The following PTPRG variants were observed in gnomAD, a reference collection of about 807,000 sequenced individuals.
PTPRG encodes protein tyrosine phosphatase receptor type G.
Under a neutral mutation model 165.3 loss-of-function variants are expected in PTPRG, and 102 were observed. That is an observed-to-expected ratio of 0.62 (90% CI 0.53 to 0.73). The LOEUF is 0.73. Ranked by LOEUF, PTPRG falls within the 30% of genes least tolerant of loss-of-function variation. The pLI is 0.00. For missense variants in PTPRG, 1,866 were observed against 1,861.4 expected, an observed-to-expected ratio of 1.00 and a Z score of -0.05; for synonymous variants, 675 against 669.5, an observed-to-expected ratio of 1.01 and a Z score of -0.13.
At chr3:62,179,519 G>T (rs2106770336) in intron 8 of PTPRG, among the ~76,000 whole-genome samples, 1 of 152,352 alleles carries the variant, frequency 6.6e-6, no homozygotes, top group African/African-American at 2.4e-5. Context: ...TGCCAGAAGA[G>T]AAGAGCCTTC....
At chr3:61,692,551 C>T (rs988921163) in intron 1 of PTPRG, among the ~76,000 whole-genome samples, 3 of 152,134 alleles carry the variant, frequency 2.0e-5, no homozygotes, top group African/African-American at 4.8e-5. Flanking sequence ...TGGGTACAGG[C>T]GGGCTGAGTC....
At chr3:61,645,145 A>G (rs962678746) in intron 1 of PTPRG, among the ~76,000 whole-genome samples, 19 of 152,240 alleles carry the variant, frequency 1.2e-4, no homozygotes, top group African/African-American at 4.6e-4. Flanking sequence ...AAGTAAACAA[A>G]TAGAAGGCCA....
At chr3:61,590,425 G>C (rs1274137711) in intron 1 of PTPRG, among the ~76,000 whole-genome samples, 2 of 152,120 alleles carry the variant, frequency 1.3e-5, no homozygotes, top group Non-Finnish European at 1.5e-5. Flanking sequence ...TTGGGAGGCT[G>C]AGGCAGGAGA....
intron 2 of PTPRG, among the ~76,000 whole-genome samples, chr3:61,827,192 G>T (rs2036138991): frequency 6.6e-6 from 1 of 152,208 alleles, no homozygotes; most frequent in Admixed American, 6.5e-5. Context: ...GTTGGGCCTA[G>T]TCCCCTAAGT....
At chr3:61,855,262 C>T (rs566987777) in intron 2 of PTPRG, among the ~76,000 whole-genome samples, 33 of 152,240 alleles carry the variant, frequency 2.2e-4, no homozygotes, top group African/African-American at 7.2e-4. Context: ...CTAGATTAGC[C>T]GCCTTTCCTT....
chr3:61,723,617 A>T (rs1226552281), intron 1 of PTPRG, among the ~76,000 whole-genome samples: 2 of 152,246 alleles, frequency 1.3e-5, no homozygotes, highest in Non-Finnish European at 1.5e-5. Context: ...AAATAATTGT[A>T]GATTCACAGG....
chr3:61,922,876 G>T (rs1203881868), intron 2 of PTPRG, among the ~76,000 whole-genome samples: 1 of 152,182 alleles, frequency 6.6e-6, no homozygotes, highest in Non-Finnish European at 1.5e-5. Flanking sequence ...CCAGAACTCA[G>T]GTACTCTGCC....
chr3:62,124,373 A>T, intron 5 of PTPRG: 1 of 1,612,876 alleles, frequency 6.2e-7, no homozygotes, highest in East Asian at 2.2e-5. Context: ...ATGCAAGTCC[A>T]GGGTGATCTG....
rs1322143054 is a variant in PTPRG, at chr3:62,245,041, G to T, written c.2467+1143G>T. Among the ~76,000 whole-genome samples the T allele has an allele frequency of 2.0e-5, 3 of 152,130 alleles. No homozygotes were observed. Among genetic ancestry groups the T allele is most frequent in the Non-Finnish European group, 4.4e-5 (3 of 68,022 alleles). Reference sequence around the variant, plus strand: ...TAAGTCATTAGATATTACTGGGATTGTCCATGTTTTGTACATTCTAGTCAG... The same window carrying T: ...TAAGTCATTAGATATTACTGGGATTTTCCATGTTTTGTACATTCTAGTCAG... On this transcript the variant is annotated intron_variant, in intron 15 of 29. Coordinates refer to ENST00000474889, the MANE Select transcript of PTPRG (RefSeq NM_002841.4). This position sits in a 1 kb window ranked among gnomAD's most constrained non-coding sequence, Gnocchi z 4.2.
At chr3:62,125,554 C>T (rs1035957265) in intron 5 of PTPRG, among the ~76,000 whole-genome samples, 12 of 152,138 alleles carry the variant, frequency 7.9e-5, no homozygotes, top group Non-Finnish European at 1.0e-4. Context: ...CAGTGTATGG[C>T]GGGATTATTA....
chr3:62,064,326 C>CAATTGTGTTTGTTG, intron 4 of PTPRG, among the ~76,000 whole-genome samples: 1 of 152,154 alleles, frequency 6.6e-6, no homozygotes, highest in African/African-American at 2.4e-5. Context: ...AGGACACAAA[C>CAATTGTGTTTGTTG]TATACTGAGT....
intron 9 of PTPRG, among the ~76,000 whole-genome samples, chr3:62,194,805 T>TAA (rs112680245): frequency 7.1e-5 from 10 of 141,226 alleles, no homozygotes; most frequent in Admixed American, 2.1e-4. Context: ...TTCATCTCAA[T>TAA]AAAAAAAAAA....
At chr3:61,763,225 C>T (rs1222139716) in intron 2 of PTPRG, among the ~76,000 whole-genome samples, 2 of 152,066 alleles carry the variant, frequency 1.3e-5, no homozygotes, top group African/African-American at 4.8e-5. Flanking sequence ...TATACCTACC[C>T]TTGTCATCAT....
intron 4 of PTPRG, among the ~76,000 whole-genome samples, chr3:62,041,248 G>C (rs560324252): frequency 2.6e-5 from 4 of 151,960 alleles, no homozygotes; most frequent in South Asian, 4.1e-4. Context: ...TTGCAGCCAT[G>C]CTTCAGAGAA....
At chr3:61,928,812 T>C (rs2039288610) in intron 2 of PTPRG, among the ~76,000 whole-genome samples, 1 of 152,214 alleles carries the variant, frequency 6.6e-6, no homozygotes, top group African/African-American at 2.4e-5. Context: ...AGATGTATTG[T>C]GACAGTCTAT....
intron 5 of PTPRG, among the ~76,000 whole-genome samples, chr3:62,107,754 A>C (rs1466581999): frequency 6.6e-6 from 1 of 152,228 alleles, no homozygotes; most frequent in African/African-American, 2.4e-5. Context: ...TTGTTGATTC[A>C]TCCATTCATT....
rs1702924468 is a variant in PTPRG at position 62,292,279 on chromosome 3, A to G, written c.4056-142A>G. The G allele has an allele frequency of 4.3e-6, 4 of 936,028 alleles. No homozygotes were observed. In the South Asian group the frequency reaches 7.1e-5, roughly 17 times the overall value. 58.0% of individuals were successfully genotyped at this position (936,028 alleles called of 1,614,324 possible). A position where few individuals can be genotyped will look rare whatever the true frequency, so the allele number is the denominator to read the frequency against. ...CTAGCTTCCAAATCCCTCCCCCACC[A>G]GCATTTCATTCAGTCGTGTCTTTAG... On this transcript the variant is annotated intron_variant, in intron 28 of 29. Transcript: ENST00000474889.
chr3:61,593,173 G>C (rs1045320384), intron 1 of PTPRG, among the ~76,000 whole-genome samples: 5 of 152,006 alleles, frequency 3.3e-5, no homozygotes, highest in Admixed American at 3.3e-4. Context: ...TGCAGTGCTG[G>C]AGCAAGTCAG....
At chr3:62,283,812 G>A (rs1702538553) in intron 28 of PTPRG, among the ~76,000 whole-genome samples, 1 of 152,076 alleles carries the variant, frequency 6.6e-6, no homozygotes, top group African/African-American at 2.4e-5. Flanking sequence ...TCTCCTACTT[G>A]AAGTAATGTG....
Sources: allele counts gnomAD v4.1 joint callset (sites outside exome capture counted in the v4.1 genomes callset), GRCh38; gene constraint gnomAD v4.1.1; non-coding constraint Gnocchi (gnomAD v3.1); transcripts MANE v1.5; gene names NCBI Gene and HGNC (gene_info 2026-07-23, HGNC 2026-07-21).